KAT6A: variants seen among roughly 807,000 people sequenced by gnomAD.
The protein encoded by KAT6A is lysine acetyltransferase 6A, also known as histone acetyltransferase KAT6A.
In KAT6A, 9 loss-of-function variants were observed where a neutral mutation model predicts 198.4. That is an observed-to-expected ratio of 0.05 (90% CI 0.03 to 0.08). The LOEUF is 0.08. KAT6A is among the 10% of genes least tolerant of loss of function. The pLI is 1.00. For synonymous variants in KAT6A, 890 were observed against 883.0 expected (o/e 1.01, Z -0.14); for missense variants, 2,077 against 2,509.9 (o/e 0.83, Z 3.69).
chr8:41,958,094 C>T (rs902753520), intron 8 of KAT6A: 10 of 152,158 alleles, frequency 6.6e-5, no homozygotes, highest in African/African-American at 2.2e-4. Flanking sequence ...GAAGAGATGG[C>T]TTTCTGGCAT....
At position 41,933,119 on chromosome 8, in the gene KAT6A, G is replaced by A. The variant is rs539376929; in HGVS notation, c.5101C>T (p.Pro1701Ser). Residue 1701 changes from proline (P) to serine (S), a missense_variant, in exon 17 of 17, where the codon CCG becomes TCG. Transcript: ENST00000265713. The surrounding 1 kb of genome is among the most constrained non-coding windows in gnomAD (Gnocchi z 6.2). ...PPPPPPQQQPPLSQCSMNNSF... is the reference protein window; with the variant it reads ...PPPPPPQQQPSLSQCSMNNSF... ...TTATTCATACTACACTGTGACAGCGGGGGCTGCTGCTGGGGAGGGGGTGGG... is the reference window on the plus strand; with the variant it reads ...TTATTCATACTACACTGTGACAGCGAGGGCTGCTGCTGGGGAGGGGGTGGG... 3 of 1,610,548 alleles carry A rather than the reference G, an allele frequency of 1.9e-6. No homozygotes were observed. Among genetic ancestry groups the A allele is most frequent in the Non-Finnish European group, 2.5e-6 (3 of 1,179,688 alleles).
In KAT6A at chr8:41,937,222, ATAAACCACAG is replaced by A. The variant is rs533251208; in HGVS notation, c.3352+24_3352+33del. 4,532 of 1,558,836 alleles carry A rather than the reference ATAAACCACAG, an allele frequency of 2.9e-3. 9 individuals are homozygous for A. The highest frequency in any genetic ancestry group is 3.9e-3 in the Middle Eastern group (23 of 5,904). On this transcript the variant is annotated intron_variant, in intron 16 of 16. Coordinates refer to ENST00000265713, the MANE Select transcript of KAT6A (RefSeq NM_006766.5). The stretch of plus-strand genomic sequence containing the variant: ...TGCTACTGCTATATATCTGAAGACA[ATAAACCACAG>A]TAAGTGAGTTCTGTAAAACATACCA...
At chr8:41,976,209 T>C (rs1229871987) in intron 7 of KAT6A, among the ~76,000 whole-genome samples, 2 of 152,354 alleles carry the variant, frequency 1.3e-5, no homozygotes, top group African/African-American at 2.4e-5. Flanking sequence ...TCTCTTGTAG[T>C]AGATGAGACA....
intron 2 of KAT6A, chr8:42,043,672 A>T (rs761845379): frequency 1.3e-5 from 2 of 152,222 alleles, no homozygotes; most frequent in Non-Finnish European, 2.9e-5. Flanking sequence ...TGTGCTATGA[A>T]GTTAACACCA....
chr8:41,939,842 A>G (rs1295214409), intron 15 of KAT6A, among the ~76,000 whole-genome samples: 1 of 152,124 alleles, frequency 6.6e-6, no homozygotes, highest in African/African-American at 2.4e-5. Flanking sequence ...AAATCTGAAT[A>G]AAGTATGAAC....
chr8:42,029,404 C>G (rs2150920830), intron 2 of KAT6A, among the ~76,000 whole-genome samples: 1 of 152,224 alleles, frequency 6.6e-6, no homozygotes, highest in South Asian at 2.1e-4. Context: ...ATACCCAACA[C>G]TCAAATATTT....
At chr8:42,006,362 C>G (rs1047469843) in intron 2 of KAT6A, among the ~76,000 whole-genome samples, 2 of 152,170 alleles carry the variant, frequency 1.3e-5, no homozygotes, top group East Asian at 3.9e-4. Context: ...CTCATAGAAA[C>G]AGTCAGGCCT....
In KAT6A at chr8:41,932,868, A is replaced by G; in HGVS notation, c.5352T>C (p.Val1784=). Residue 1784 remains valine (V), a synonymous_variant, in exon 17 of 17, where the codon GTT becomes GTC. Coordinates refer to ENST00000265713, the MANE Select transcript of KAT6A (RefSeq NM_006766.5). The part of the protein sequence containing the change: ...SPAVTSYATS[V]SLSNTGLAQL... ...GAGCCAGTCCTGTATTGGACAGAGA[A>G]ACACTGGTTGCATAGGAAGTCACAG... 6.2e-7 allele frequency: 1 copy of G among 1,614,124 alleles called. No individual in the cohort carries two copies. Among genetic ancestry groups the G allele is most frequent in the South Asian group, 1.1e-5 (1 of 91,082 alleles).
At chr8:41,960,506 C>CAAAA (rs71548553) in intron 8 of KAT6A, among the ~76,000 whole-genome samples, 4 of 85,130 alleles carry the variant, frequency 4.7e-5, no homozygotes, top group African/African-American at 9.3e-5. Flanking sequence ...GACTCCGTCT[C>CAAAA]AAAAAAAAAA....
At chr8:41,986,191 G>A (rs909413060) in intron 3 of KAT6A, among the ~76,000 whole-genome samples, 4 of 152,134 alleles carry the variant, frequency 2.6e-5, no homozygotes, top group Admixed American at 2.0e-4. Context: ...TGCCCGCCTC[G>A]GCCTCCCAAA....
intron 9 of KAT6A, among the ~76,000 whole-genome samples, chr8:41,954,313 A>G (rs903479196): frequency 6.6e-6 from 1 of 152,242 alleles, no homozygotes; most frequent in African/African-American, 2.4e-5. Context: ...GGCACTCAAC[A>G]TATTGTAAGG....
Position 41,991,367 on chromosome 8 carries a change from G to C in KAT6A, c.601-3804C>G, listed in dbSNP as rs563301034. On this transcript the variant is annotated intron_variant, in intron 2 of 16. Coordinates refer to ENST00000265713, the MANE Select transcript of KAT6A (RefSeq NM_006766.5). ...ATGAATATCACAAACTATATTGAAA[G>C]AACAGAAAAAAGAATACATCCTGTA... Among the ~76,000 whole-genome samples the C allele has an allele frequency of 4.1e-4, 63 of 152,074 alleles. 1 individual carries two copies. The highest frequency in any genetic ancestry group is 1.5e-3 in the African/African-American group (62 of 41,482).
Position 41,978,667 on chromosome 8 carries a change from T to A in KAT6A, c.1018A>T (p.Asn340Tyr). 1 of 1,614,116 alleles carries A rather than the reference T, an allele frequency of 6.2e-7. No individual in the cohort carries two copies. Among genetic ancestry groups the A allele is most frequent in the South Asian group, 1.1e-5 (1 of 91,076 alleles). ...ACCGTGTTTTGTTTCTTTAACCTGT[T>A]TTTTGGACGTCCTATTGGATTAGTA... ...RYTNPIGRPK[N>Y]RLKKQNTVSK... Residue 340 changes from asparagine to tyrosine, a missense_variant, in exon 6 of 17, where the codon AAC becomes TAC. This residue lies in a region of KAT6A where 206 missense variants were observed against 214.9 expected (regional missense o/e 0.96). Transcript: ENST00000265713.
At chr8:41,934,925 C>T (rs1184469620) in intron 16 of KAT6A, 58 bp from the exon 17 acceptor site, 2 of 1,355,770 alleles carry the variant, frequency 1.5e-6, no homozygotes, top group East Asian at 2.3e-5. Flanking sequence ...TTTCTAGTTC[C>T]TTCTTCCAAG....
intron 2 of KAT6A, among the ~76,000 whole-genome samples, chr8:42,033,841 T>C (rs11775504): frequency 2.9e-4 from 44 of 151,736 alleles, no homozygotes; most frequent in Non-Finnish European, 5.7e-4. Flanking sequence ...ATTAAAAAAA[T>C]TAAAAATAAA....
chr8:41,967,043 C>T (rs908246780), intron 8 of KAT6A, among the ~76,000 whole-genome samples: 2 of 152,188 alleles, frequency 1.3e-5, no homozygotes, highest in South Asian at 2.1e-4. Flanking sequence ...TAACTCTTCA[C>T]GCAAAGAAAT....
At chr8:41,998,715 A>G (rs772354557) in intron 2 of KAT6A, among the ~76,000 whole-genome samples, 4 of 152,148 alleles carry the variant, frequency 2.6e-5, no homozygotes, top group Non-Finnish European at 5.9e-5. Flanking sequence ...CAAGGAAACT[A>G]TATCTGGGTG....
intron 9 of KAT6A, among the ~76,000 whole-genome samples, chr8:41,949,975 T>C (rs1822586176): frequency 6.6e-6 from 1 of 152,198 alleles, no homozygotes; most frequent in Non-Finnish European, 1.5e-5. Context: ...CCAAGGAACT[T>C]TTGTAGTATA....
At chr8:41,984,093 T>C (rs1007325122) in intron 3 of KAT6A, among the ~76,000 whole-genome samples, 2 of 152,234 alleles carry the variant, frequency 1.3e-5, no homozygotes, top group Non-Finnish European at 2.9e-5. Flanking sequence ...AATATCAACG[T>C]TCATGTATCC....
Sources: gnomAD v4.1 joint callset for allele counts (sites outside exome capture counted in the v4.1 genomes callset) on GRCh38, gnomAD v4.1.1 for gene constraint, gnomAD v4.1.1 regional missense constraint, Gnocchi (gnomAD v3.1) non-coding constraint, MANE v1.5 for transcripts, NCBI Gene and HGNC (gene_info 2026-07-23, HGNC 2026-07-21) for gene names.